PKDREJ: variants seen among roughly 807,000 people sequenced by gnomAD.
The protein encoded by PKDREJ is PKD and REJ homolog.
For synonymous variants in PKDREJ, 1,031 were observed against 1,095.5 expected (o/e 0.94, Z 1.16); for missense variants, 2,507 against 2,807.2 (o/e 0.89, Z 2.42).
At position 46,257,499 on chromosome 22, in the gene PKDREJ, C is replaced by T. The variant is rs578235491; in HGVS notation, c.5824G>A (p.Val1942Ile). 5.0e-6 allele frequency: 8 copies of T among 1,614,108 alleles called. 1 individual carries two copies. In the South Asian group the frequency reaches 8.8e-5, roughly 18 times the overall value. ...SVIFEVSQLG[V>I]VNTSISLHSF... ...TGCAGAGATATGCTTGTGTTGACAA[C>T]TCCTAACTGAGAGACTTCAAATATG... Residue 1942 changes from valine (V) to isoleucine (I), a missense_variant, in exon 1 of 1, where the codon GTT becomes ATT. Physicochemically the swap from Val to Ile is conservative, Grantham distance 29. Coordinates refer to ENST00000253255, the MANE Select transcript of PKDREJ (RefSeq NM_006071.2). The surrounding 1 kb of genome is among the most constrained non-coding windows in gnomAD (Gnocchi z 4.7).
In PKDREJ at chr22:46,263,198, A is replaced by T. The variant is rs1257504127; in HGVS notation, c.125T>A (p.Leu42His). ...CACCCCGAGGCCCGGGGCGCCCCTG[A>T]GGAGGCCACCGGGCGCCCCGGAGAC... ...AAVSGAPGGL[L>H]RGAPGLGVRG... The change falls in exon 1 of 1, where the codon CTC becomes CAC. Residue 42 changes from leucine to histidine, a missense_variant. By Grantham distance (99) the Leu-to-His change is moderately conservative. Transcript: ENST00000253255. The surrounding 1 kb of genome is among the most constrained non-coding windows in gnomAD (Gnocchi z 9.4). 2 of 1,340,842 alleles carry T rather than the reference A, an allele frequency of 1.5e-6. No homozygotes were observed. The highest frequency in any genetic ancestry group is 3.8e-5 in the East Asian group (1 of 26,502). The allele number at this position is 1,340,842 out of a possible 1,614,324, so 83.1% of individuals were successfully genotyped here.
Position 46,261,618 on chromosome 22 carries a change from T to G in PKDREJ, c.1705A>C (p.Asn569His). The G allele has an allele frequency of 6.2e-7, 1 of 1,614,008 alleles. No homozygotes were observed. The highest frequency in any genetic ancestry group is 8.5e-7 in the Non-Finnish European group (1 of 1,179,872). ...ATAAGTGCAATTCCTTTAGCTGGAT[T>G]AATTTTGCATTCTCCGATCTGAGGG... ...HGPQIGECKI[N>H]PAKGIALITK... Residue 569 changes from asparagine (N) to histidine (H), a missense_variant, in exon 1 of 1, where the codon AAT becomes CAT. Asn to His is a moderately conservative substitution (Grantham distance 68). Coordinates refer to ENST00000253255, the MANE Select transcript of PKDREJ (RefSeq NM_006071.2). The surrounding 1 kb of genome is among the most constrained non-coding windows in gnomAD (Gnocchi z 7.1).
At position 46,262,896 on chromosome 22, in the gene PKDREJ, AG is replaced by A. The variant is rs1936715339; in HGVS notation, c.426del (p.Phe143SerfsTer49). The A allele has an allele frequency of 9.3e-7, 1 of 1,070,560 alleles. No individual in the cohort carries two copies. The highest frequency in any genetic ancestry group is 1.1e-6 in the Non-Finnish European group (1 of 886,468). The allele number at this position is 1,070,560 out of a possible 1,614,324, so 66.3% of individuals were successfully genotyped here. A position where few individuals can be genotyped will look rare whatever the true frequency, so the allele number is the denominator to read the frequency against. ...LPRSPGRLAW[A>X]FRLRLLGPGA... ...CCGGGTCCGAGCAGCCGCAGGCGGA[AG>A]GCCCAGGCCAGGCGCCCGGGCGAGC... On this transcript the variant is annotated frameshift_variant, in exon 1 of 1. Coordinates refer to ENST00000253255, the MANE Select transcript of PKDREJ (RefSeq NM_006071.2). LOFTEE classifies it low-confidence loss of function (END_TRUNC). The surrounding 1 kb of genome is among the most constrained non-coding windows in gnomAD (Gnocchi z 8.1).
rs1936704451 is a variant in PKDREJ, at chr22:46,262,198, G to C, written c.1125C>G (p.Phe375Leu). The change falls in exon 1 of 1, where the codon TTC (phenylalanine) becomes TTG (leucine). Residue 375 changes from phenylalanine (F) to leucine (L), a missense_variant. Phe to Leu is a conservative substitution (Grantham distance 22). Transcript: ENST00000253255. The surrounding 1 kb of genome is among the most constrained non-coding windows in gnomAD (Gnocchi z 8.1). ...DADSPLQGLQ[F>L]FWYCTTDPRN... ...TGGGATCTGTGGTACAGTACCAAAA[G>C]AACTGGAGTCCCTGTAACGGGCTGT... is the stretch of plus-strand genomic sequence containing the variant. 6.2e-7 allele frequency: 1 copy of C among 1,614,200 alleles called. No individual in the cohort carries two copies. The highest frequency in any genetic ancestry group is 8.5e-7 in the Non-Finnish European group (1 of 1,180,022).
Position 46,262,682 on chromosome 22 carries a change from G to A in PKDREJ, c.641C>T (p.Ala214Val), listed in dbSNP as rs139223373. The A allele has an allele frequency of 5.0e-6, 8 of 1,613,266 alleles. No individual in the cohort carries two copies. The African/African-American group carries it at 8.0e-5, about 16-fold the overall frequency. The change falls in exon 1 of 1, where the codon GCC becomes GTC. Residue 214 changes from alanine to valine, a missense_variant. Physicochemically the swap from Ala to Val is moderately conservative, Grantham distance 64 (BLOSUM62 0). Transcript: ENST00000253255. This position sits in a 1 kb window ranked among gnomAD's most constrained non-coding sequence, Gnocchi z 8.1. ...VESSVSCQIN[A>V]CVIQRVRINT... ...GATCCTCACGCGCTGGATGACGCAGGCGTTTATCTGACAGGACACGGACGA... is the reference window on the plus strand; with the variant it reads ...GATCCTCACGCGCTGGATGACGCAGACGTTTATCTGACAGGACACGGACGA...
Position 46,259,411 on chromosome 22 carries a change from A to T in PKDREJ, c.3912T>A (p.Gly1304=). ...HSIRVWHNNE[G]RSPSWYLSRI... is the part of the protein sequence containing the mutation. ...TACTTAAATACCAGCTAGGCGATCG[A>T]CCCTCGTTGTTGTGCCACACACGGA... The change falls in exon 1 of 1, where the codon GGT becomes GGA. Residue 1304 remains glycine, a synonymous_variant. Transcript: ENST00000253255. This position sits in a 1 kb window ranked among gnomAD's most constrained non-coding sequence, Gnocchi z 6.8. 1 of 1,614,096 alleles carries T rather than the reference A, an allele frequency of 6.2e-7. No homozygotes were observed. Among genetic ancestry groups the T allele is most frequent in the Non-Finnish European group, 8.5e-7 (1 of 1,180,024 alleles).
In PKDREJ at chr22:46,262,847, G is replaced by T. The variant is rs1936714522; in HGVS notation, c.476C>A (p.Ala159Glu). The T allele has an allele frequency of 8.3e-7, 1 of 1,199,416 alleles. No homozygotes were observed. Among genetic ancestry groups the T allele is most frequent in the Admixed American group, 4.6e-5 (1 of 21,914 alleles). The allele number at this position is 1,199,416 out of a possible 1,614,324, so 74.3% of individuals were successfully genotyped here. The change falls in exon 1 of 1, where the codon GCG (alanine) becomes GAG (glutamate). Residue 159 changes from alanine to glutamate, a missense_variant. Coordinates refer to ENST00000253255, the MANE Select transcript of PKDREJ (RefSeq NM_006071.2). This position sits in a 1 kb window ranked among gnomAD's most constrained non-coding sequence, Gnocchi z 8.1. Reference sequence around the variant, plus strand: ...GGCGGAGCGCGGGGAGACGCGGGCCGCGGGGGAGGCCGGGCGGGCGGCGCC... The same window carrying T: ...GGCGGAGCGCGGGGAGACGCGGGCCTCGGGGGAGGCCGGGCGGGCGGCGCC... ...GPGAARPASP[A>E]ARVSPRSAAP...
At position 46,256,247 on chromosome 22, in the gene PKDREJ, T is replaced by C; in HGVS notation, c.*314A>G. ...TCTCAAAACCAGTGGCTCTGCCTTCTCTAAACTGCAGGCACCAAAGAAACA... is the reference window on the plus strand; with the variant it reads ...TCTCAAAACCAGTGGCTCTGCCTTCCCTAAACTGCAGGCACCAAAGAAACA... On this transcript the variant is annotated 3_prime_UTR_variant, in exon 1 of 1. Transcript: ENST00000253255. This position sits in a 1 kb window ranked among gnomAD's most constrained non-coding sequence, Gnocchi z 5.3. 1 of 304,074 alleles carries C rather than the reference T, an allele frequency of 3.3e-6. No homozygotes were observed. Among genetic ancestry groups the C allele is most frequent in the Non-Finnish European group, 6.1e-6 (1 of 163,528 alleles). 18.8% of individuals were successfully genotyped at this position (304,074 alleles called of 1,614,324 possible).
Position 46,257,227 on chromosome 22 carries a change from C to T in PKDREJ, c.6096G>A (p.Ser2032=), listed in dbSNP as rs775204403. The change falls in exon 1 of 1, where the codon TCG becomes TCA. Residue 2032 remains serine, a synonymous_variant. Coordinates refer to ENST00000253255, the MANE Select transcript of PKDREJ (RefSeq NM_006071.2). This position sits in a 1 kb window ranked among gnomAD's most constrained non-coding sequence, Gnocchi z 4.7. ...GAAAGGGAATGAAGTCTTCTGGGTT[C>T]GACAAGTAAAACCGAATTATGCCAG... ...LATGIIRFYL[S]NPEDFIPFHA... 1.1e-5 allele frequency: 17 copies of T among 1,613,916 alleles called. No homozygotes were observed. The highest frequency in any genetic ancestry group is 4.4e-5 in the South Asian group (4 of 91,052).
Position 46,257,533 on chromosome 22 carries a change from G to A in PKDREJ, c.5790C>T (p.Ser1930=). The change falls in exon 1 of 1, where the codon AGC becomes AGT. Residue 1930 remains serine (S), a synonymous_variant. Transcript: ENST00000253255. This position sits in a 1 kb window ranked among gnomAD's most constrained non-coding sequence, Gnocchi z 4.7. ...GAGAGACTTCAAATATGACCGAAAT[G>A]CTACAGAACAGATTTATATCTGGAT... is the stretch of plus-strand genomic sequence containing the variant. The part of the protein sequence containing the change: ...TFNPDINLFC[S]ISVIFEVSQL... 1.2e-6 allele frequency: 2 copies of A among 1,614,072 alleles called. No homozygotes were observed. The highest frequency in any genetic ancestry group is 1.7e-6 in the Non-Finnish European group (2 of 1,179,978).
At position 46,262,911 on chromosome 22, in the gene PKDREJ, G is replaced by T. The variant is rs1185941865; in HGVS notation, c.412C>A (p.Arg138Ser). The change falls in exon 1 of 1, where the codon CGC becomes AGC. Residue 138 changes from arginine (R) to serine (S), a missense_variant. Physicochemically the swap from Arg to Ser is moderately radical, Grantham distance 110 (BLOSUM62 -1). Transcript: ENST00000253255. The surrounding 1 kb of genome is among the most constrained non-coding windows in gnomAD (Gnocchi z 8.1). The part of the protein sequence containing the change: ...WSVRLPRSPG[R>S]LAWAFRLRLL... ...CGCAGGCGGAAGGCCCAGGCCAGGC[G>T]CCCGGGCGAGCGCGGCAGCCGCACG... 1.9e-6 allele frequency: 2 copies of T among 1,069,912 alleles called. No homozygotes were observed. Among genetic ancestry groups the T allele is most frequent in the Non-Finnish European group, 2.3e-6 (2 of 886,102 alleles). The allele number at this position is 1,069,912 out of a possible 1,614,324, so 66.3% of individuals were successfully genotyped here. A position where few individuals can be genotyped will look rare whatever the true frequency, so the allele number is the denominator to read the frequency against.
chr22:46,261,079 A>C lies in PKDREJ; in HGVS notation c.2244T>G (p.Thr748=), dbSNP rs186678178. 11 of 1,614,226 alleles carry C rather than the reference A, an allele frequency of 6.8e-6. No homozygotes were observed. The African/African-American group carries it at 1.5e-4, about 22-fold the overall frequency. ...IDQSFLLPVS[T]LVEIGQVVMT... is the part of the protein sequence containing the mutation. ...TGACTACCTGGCCAATTTCTACCAA[A>C]GTGCTTACAGGAAGAAGGAAAGACT... The change falls in exon 1 of 1, where the codon ACT becomes ACG. Residue 748 remains threonine (T), a synonymous_variant. Coordinates refer to ENST00000253255, the MANE Select transcript of PKDREJ (RefSeq NM_006071.2). This position sits in a 1 kb window ranked among gnomAD's most constrained non-coding sequence, Gnocchi z 7.1.
In PKDREJ at chr22:46,261,699, C is replaced by T. The variant is rs1283377669; in HGVS notation, c.1624G>A (p.Ala542Thr). 6.2e-7 allele frequency: 1 copy of T among 1,613,884 alleles called. No homozygotes were observed. The highest frequency in any genetic ancestry group is 1.7e-5 in the Admixed American group (1 of 59,994). The change falls in exon 1 of 1, where the codon GCA becomes ACA. Residue 542 changes from alanine (A) to threonine (T), a missense_variant. Ala to Thr is a moderately conservative substitution (Grantham distance 58, BLOSUM62 0). Coordinates refer to ENST00000253255, the MANE Select transcript of PKDREJ (RefSeq NM_006071.2). This position sits in a 1 kb window ranked among gnomAD's most constrained non-coding sequence, Gnocchi z 7.1. ...EAEFSISLYL[A>T]CWSGVTSVFR... ...ACCGAGGTCACTCCACTCCAACATGCTAGATACAGAGAAATCGAAAACTCA... is the reference window on the plus strand; with the variant it reads ...ACCGAGGTCACTCCACTCCAACATGTTAGATACAGAGAAATCGAAAACTCA...
At position 46,262,307 on chromosome 22, in the gene PKDREJ, A is replaced by T. The variant is rs113301350; in HGVS notation, c.1016T>A (p.Val339Glu). The T allele has an allele frequency of 3.7e-6, 6 of 1,614,036 alleles. No homozygotes were observed. The African/African-American group carries it at 5.3e-5, about 14-fold the overall frequency. ...TGTTATGTTGGCATCGCCAAGCATC[A>T]CCGCCTGCAGGGAACTCCTGACGAT... ...VWIVRSSLQA[V>E]MLGDANITAN... Residue 339 changes from valine to glutamate, a missense_variant, in exon 1 of 1, where the codon GTG becomes GAG. Physicochemically the swap from Val to Glu is moderately radical, Grantham distance 121 (BLOSUM62 -2). Coordinates refer to ENST00000253255, the MANE Select transcript of PKDREJ (RefSeq NM_006071.2). This position sits in a 1 kb window ranked among gnomAD's most constrained non-coding sequence, Gnocchi z 8.1.
At position 46,262,690 on chromosome 22, in the gene PKDREJ, C is replaced by G. The variant is rs372425272; in HGVS notation, c.633G>C (p.Gln211His). ...CGCGCTGGATGACGCAGGCGTTTAT[C>G]TGACAGGACACGGACGACTCGACGG... ...HRAVESSVSCQINACVIQRVR... is the reference protein window; with the variant it reads ...HRAVESSVSCHINACVIQRVR... Residue 211 changes from glutamine (Q) to histidine (H), a missense_variant, in exon 1 of 1, where the codon CAG becomes CAC. Transcript: ENST00000253255. This position sits in a 1 kb window ranked among gnomAD's most constrained non-coding sequence, Gnocchi z 8.1. 1 of 1,613,206 alleles carries G rather than the reference C, an allele frequency of 6.2e-7. No individual in the cohort carries two copies.
At position 46,262,336 on chromosome 22, in the gene PKDREJ, G is replaced by A; in HGVS notation, c.987C>T (p.Val329=). The A allele has an allele frequency of 1.9e-6, 3 of 1,614,212 alleles. No homozygotes were observed. Among genetic ancestry groups the A allele is most frequent in the Non-Finnish European group, 2.5e-6 (3 of 1,180,038 alleles). Residue 329 remains valine (V), a synonymous_variant, in exon 1 of 1, where the codon GTC becomes GTT. Coordinates refer to ENST00000253255, the MANE Select transcript of PKDREJ (RefSeq NM_006071.2). This position sits in a 1 kb window ranked among gnomAD's most constrained non-coding sequence, Gnocchi z 8.1. ...PEVKDSDAVY[V]WIVRSSLQAV... is the part of the protein sequence containing the mutation. The stretch of plus-strand genomic sequence containing the variant: ...CCTGCAGGGAACTCCTGACGATCCA[G>A]ACATAGACGGCGTCCGAGTCTTTCA...
Position 46,258,458 on chromosome 22 carries a change from A to G in PKDREJ, c.4865T>C (p.Val1622Ala), listed in dbSNP as rs1012148968. The change falls in exon 1 of 1, where the codon GTT becomes GCT. Residue 1622 changes from valine (V) to alanine (A), a missense_variant. Coordinates refer to ENST00000253255, the MANE Select transcript of PKDREJ (RefSeq NM_006071.2). This position sits in a 1 kb window ranked among gnomAD's most constrained non-coding sequence, Gnocchi z 6.1. ...FASFCSFCQS[V>A]LLVQPSKIIL... ...AATTTTAGATGGCTGCACCAGAAGA[A>G]CTGACTGACAGAATGAACAAAAAGA... The G allele has an allele frequency of 6.2e-7, 1 of 1,614,076 alleles. No homozygotes were observed. Among genetic ancestry groups the G allele is most frequent in the African/African-American group, 1.3e-5 (1 of 74,930 alleles).
chr22:46,256,477 C>G lies in PKDREJ; in HGVS notation c.*84G>C. On this transcript the variant is annotated 3_prime_UTR_variant, in exon 1 of 1. Coordinates refer to ENST00000253255, the MANE Select transcript of PKDREJ (RefSeq NM_006071.2). The surrounding 1 kb of genome is among the most constrained non-coding windows in gnomAD (Gnocchi z 5.3). ...GACATGAGTAGAAAGCATGACTAGG[C>G]CACTGACACTCCCTAATCCCCTTAA... 6.6e-7 allele frequency: 1 copy of G among 1,520,946 alleles called. No individual in the cohort carries two copies. Among genetic ancestry groups the G allele is most frequent in the Admixed American group, 2.1e-5 (1 of 47,886 alleles). The allele number at this position is 1,520,946 out of a possible 1,614,324, so 94.2% of individuals were successfully genotyped here.
chr22:46,262,696 G>A lies in PKDREJ; in HGVS notation c.627C>T (p.Ser209=). The change falls in exon 1 of 1, where the codon TCC becomes TCT. Residue 209 remains serine, a synonymous_variant. Coordinates refer to ENST00000253255, the MANE Select transcript of PKDREJ (RefSeq NM_006071.2). This position sits in a 1 kb window ranked among gnomAD's most constrained non-coding sequence, Gnocchi z 8.1. ...GGATGACGCAGGCGTTTATCTGACA[G>A]GACACGGACGACTCGACGGCTCTGT... ...SSHRAVESSV[S]CQINACVIQR... 2 of 1,612,976 alleles carry A rather than the reference G, an allele frequency of 1.2e-6. No homozygotes were observed. The highest frequency in any genetic ancestry group is 1.7e-6 in the Non-Finnish European group (2 of 1,179,728).
Sources: allele counts gnomAD v4.1 joint callset, GRCh38; gene constraint gnomAD v4.1.1; non-coding constraint Gnocchi (gnomAD v3.1); transcripts MANE v1.5; gene names NCBI Gene and HGNC (gene_info 2026-07-23, HGNC 2026-07-21).